TPP2: variants seen among roughly 807,000 people sequenced by gnomAD.
TPP2 encodes the protein tripeptidyl peptidase 2.
Under a neutral mutation model 155.9 loss-of-function variants are expected in TPP2, and 34 were observed. The observed-to-expected ratio is 0.22, with a 90% CI of 0.17 to 0.29. The LOEUF (loss-of-function observed/expected upper bound fraction) is 0.29. TPP2 is among the 10% of genes least tolerant of loss of function. TPP2 has a pLI of 1.00. For synonymous variants in TPP2, 510 were observed against 529.4 expected (o/e 0.96, Z 0.50); for missense variants, 1,028 against 1,522.3 (o/e 0.68, Z 5.40).
intron 27 of TPP2, among the ~76,000 whole-genome samples, chr13:102,669,427 C>T (rs759230331): frequency 1.3e-5 from 2 of 152,086 alleles, no homozygotes; most frequent in Non-Finnish European, 2.9e-5. Context: ...TTGTGGGCCG[C>T]TCCATAAATG....
intron 16 of TPP2, among the ~76,000 whole-genome samples, chr13:102,642,671 T>C (rs1026063511): frequency 6.6e-6 from 1 of 152,148 alleles, no homozygotes; most frequent in Non-Finnish European, 1.5e-5. Context: ...CAATCTGGCA[T>C]TGCGGTGATC....
intron 15 of TPP2, among the ~76,000 whole-genome samples, 194 bp downstream of exon 15, chr13:102,638,509 G>C (rs1882538778): frequency 6.6e-6 from 1 of 152,164 alleles, no homozygotes; most frequent in African/African-American, 2.4e-5. Context: ...GAGAGTAACT[G>C]ATGGCACCTG....
chr13:102,675,851 TTATAAG>T (rs1178353653), intron 28 of TPP2, among the ~76,000 whole-genome samples: 3 of 152,184 alleles, frequency 2.0e-5, no homozygotes, highest in African/African-American at 4.8e-5. Flanking sequence ...ATATAAATGA[TTATAAG>T]TATATTTGAC....
chr13:102,621,471 C>T (rs1316977454), intron 5 of TPP2, among the ~76,000 whole-genome samples: 2 of 152,014 alleles, frequency 1.3e-5, no homozygotes, highest in East Asian at 3.9e-4. Flanking sequence ...TCACAGTAAA[C>T]TAAGCAGAGA....
chr13:102,622,286 G>A (rs1881221390), intron 5 of TPP2, among the ~76,000 whole-genome samples: 1 of 152,112 alleles, frequency 6.6e-6, no homozygotes, highest in African/African-American at 2.4e-5. Context: ...AATATTAAGT[G>A]TATTTTGTTT....
chr13:102,642,965 G>T (rs779069716), intron 16 of TPP2, among the ~76,000 whole-genome samples: 3 of 152,150 alleles, frequency 2.0e-5, no homozygotes, highest in Admixed American at 1.3e-4. Context: ...CCAGGTGTTT[G>T]CAGCCTCATG....
intron 17 of TPP2, among the ~76,000 whole-genome samples, chr13:102,644,244 C>G (rs1882952791): frequency 6.6e-6 from 1 of 152,040 alleles, no homozygotes; most frequent in African/African-American, 2.4e-5. Flanking sequence ...TTCTTTTGGT[C>G]CTAATTTTTT....
At chr13:102,660,405 T>A (rs1321819634) in intron 25 of TPP2, among the ~76,000 whole-genome samples, 1 of 148,684 alleles carries the variant, frequency 6.7e-6, no homozygotes, top group Non-Finnish European at 1.5e-5. Context: ...ACAGTAACAT[T>A]GAAAAAAATA....
At chr13:102,663,234 G>A (rs545296859) in intron 25 of TPP2, among the ~76,000 whole-genome samples, 1 of 152,004 alleles carries the variant, frequency 6.6e-6, no homozygotes, top group South Asian at 2.1e-4. Context: ...TGCAACCTCT[G>A]CCTCCCAGGT....
intron 1 of TPP2, 90 bp from the exon 2 acceptor site, chr13:102,604,703 A>G (rs968133202): frequency 2.9e-6 from 4 of 1,377,892 alleles, no homozygotes; most frequent in Admixed American, 2.6e-5. Context: ...TAGATTTTGT[A>G]TATACACACA....
chr13:102,677,619 T>A (rs1885362771), intron 29 of TPP2, among the ~76,000 whole-genome samples: 1 of 152,192 alleles, frequency 6.6e-6, no homozygotes, highest in African/African-American at 2.4e-5. Flanking sequence ...CACTAACTAC[T>A]CTGGCTGGAT....
chr13:102,647,088 A>C, intron 20 of TPP2, 119 bp from the exon 21 acceptor site: 1 of 1,277,402 alleles, frequency 7.8e-7, no homozygotes, highest in Non-Finnish European at 1.0e-6. Flanking sequence ...AAAATTTTTT[A>C]CCACAAGTAT....
chr13:102,657,405 A>G (rs1022660682), intron 25 of TPP2, among the ~76,000 whole-genome samples, 198 bp downstream of exon 25: 2 of 151,646 alleles, frequency 1.3e-5, no homozygotes, highest in Non-Finnish European at 1.5e-5. Flanking sequence ...TTGTGATTAA[A>G]TGTTTTAATT....
At chr13:102,640,744 C>T (rs965571686) in intron 16 of TPP2, among the ~76,000 whole-genome samples, 8 of 146,548 alleles carry the variant, frequency 5.5e-5, no homozygotes, top group African/African-American at 1.8e-4. Context: ...TCCACCTCCC[C>T]AGTTCAAACG....
chr13:102,643,185 T>G (rs747927438), intron 16 of TPP2, 37 bp from the exon 17 acceptor site: 1 of 1,532,570 alleles, frequency 6.5e-7, no homozygotes, highest in Non-Finnish European at 8.7e-7. Flanking sequence ...TTAGGTCTTA[T>G]AAGTTTAAAG....
intron 5 of TPP2, among the ~76,000 whole-genome samples, chr13:102,619,261 G>A (rs192322371): frequency 3.3e-5 from 5 of 152,140 alleles, no homozygotes; most frequent in African/African-American, 7.2e-5. Context: ...ATAATAATGC[G>A]ATTTATACCA....
intron 10 of TPP2, among the ~76,000 whole-genome samples, chr13:102,630,947 T>G (rs1259261379): frequency 6.6e-6 from 1 of 152,244 alleles, no homozygotes. Context: ...GATCTGAGTT[T>G]CAAATGCCAT....
chr13:102,622,015 A>C (rs950157118), intron 5 of TPP2, among the ~76,000 whole-genome samples: 2 of 152,206 alleles, frequency 1.3e-5, no homozygotes, highest in African/African-American at 4.8e-5. Flanking sequence ...AAATTACATC[A>C]GTCATATTAG....
chr13:102,645,438 G>A (rs769405963), intron 19 of TPP2, among the ~76,000 whole-genome samples: 1 of 152,148 alleles, frequency 6.6e-6, no homozygotes, highest in Non-Finnish European at 1.5e-5. Context: ...ACAAAAGCAG[G>A]GCACCTTGAC....
Sources: allele counts gnomAD v4.1 joint callset (sites outside exome capture counted in the v4.1 genomes callset), GRCh38; gene constraint gnomAD v4.1.1; transcripts MANE v1.5; gene names NCBI Gene and HGNC (gene_info 2026-07-23, HGNC 2026-07-21).